Variants in MYO9B observed in about 807,000 individuals in gnomAD.
MYO9B encodes unconventional myosin-IXb.
A neutral mutation model predicts 229.5 loss-of-function variants in MYO9B; 71 were observed. The ratio of observed to expected loss-of-function variants is 0.31; its 90% CI spans 0.26 to 0.38. The LOEUF is 0.38. MYO9B is among the 10% of genes least tolerant of loss of function. The probability of loss-of-function intolerance (pLI) is 1.00; values close to 1 mark genes in which losing one functional copy is unlikely to be tolerated. For missense variants in MYO9B, 2,255 were observed against 2,920.5 expected, an observed-to-expected ratio of 0.77 and a Z score of 5.25; for synonymous variants, 1,185 against 1,235.8, an observed-to-expected ratio of 0.96 and a Z score of 0.86.
intron 1 of MYO9B, among the ~76,000 whole-genome samples, chr19:17,085,151 TCACCGAAGA>T (rs1325089740): frequency 1.3e-5 from 2 of 152,098 alleles, no homozygotes; most frequent in African/African-American, 4.8e-5. Context: ...AGTGGCTGTT[TCACCGAAGA>T]CACTGGTGGC....
chr19:17,093,058 A>G (rs2057654031), intron 1 of MYO9B, among the ~76,000 whole-genome samples: 1 of 152,172 alleles, frequency 6.6e-6, no homozygotes, highest in South Asian at 2.1e-4. Flanking sequence ...TTGGCCAGGC[A>G]CTGTGGCTCA....
chr19:17,112,034 A>G (rs761309394), intron 2 of MYO9B, among the ~76,000 whole-genome samples: 31 of 152,082 alleles, frequency 2.0e-4, no homozygotes, highest in Non-Finnish European at 4.3e-4. Context: ...TTCTCTGCCC[A>G]CCAGTTGTAT....
intron 8 of MYO9B, among the ~76,000 whole-genome samples, chr19:17,160,047 T>G (rs914357564): frequency 1.3e-5 from 2 of 152,144 alleles, no homozygotes; most frequent in Non-Finnish European, 2.9e-5. Context: ...CTCCCTCTGG[T>G]CTTTGCCCCA....
At chr19:17,129,073 A>T (rs2072161230) in intron 2 of MYO9B, among the ~76,000 whole-genome samples, 1 of 152,138 alleles carries the variant, frequency 6.6e-6, no homozygotes, top group South Asian at 2.1e-4. Flanking sequence ...TGGAGGCTTC[A>T]CCCAGAGGTG....
intron 30 of MYO9B, 29 bp downstream of exon 30, chr19:17,203,287 A>G (rs757086266): frequency 1.3e-6 from 2 of 1,493,854 alleles, no homozygotes; most frequent in Non-Finnish European, 1.8e-6. Flanking sequence ...AGGCCCCAAA[A>G]CCCTCCATGT....
intron 2 of MYO9B, among the ~76,000 whole-genome samples, chr19:17,128,221 A>C (rs2072149492): frequency 6.6e-6 from 1 of 150,798 alleles, no homozygotes. Flanking sequence ...TACTGAAAAA[A>C]AAAAATTTTT....
At position 17,169,027 on chromosome 19, in the gene MYO9B, C is replaced by T. The variant is rs190162568; in HGVS notation, c.1793+963C>T. Among the ~76,000 whole-genome samples, 918 of 152,244 alleles carry T rather than the reference C, an allele frequency of 6.0e-3. 6 individuals carry two copies. Among genetic ancestry groups the T allele is most frequent in the African/African-American group, 0.02 (837 of 41,568 alleles). On this transcript the variant is annotated intron_variant, in intron 11 of 39. Transcript: ENST00000682292. The stretch of plus-strand genomic sequence containing the variant: ...GCTCCTCTAAGGAACCGCTACAAGC[C>T]AGGTGGGCTCTTGAGCCCAGGAGAT...
chr19:17,162,465 C>T lies in MYO9B; in HGVS notation c.1535C>T (p.Ser512Leu), dbSNP rs189398505. Residue 512 changes from serine to leucine, a missense_variant and splice_region_variant, in exon 9 of 40, where the codon TCG (serine) becomes TTG (leucine). Ser to Leu is a moderately radical substitution (Grantham distance 145). Around this residue, in one of 7 missense-constraint regions of MYO9B, gnomAD observed 220 missense variants for 404.5 expected, o/e 0.54. Coordinates refer to ENST00000682292, the MANE Select transcript of MYO9B (RefSeq NM_004145.4). The stretch of plus-strand genomic sequence containing the variant: ...AAGAAGGACGTGGAAGAGGCAGTCT[C>T]GGTGAGTGCCCCCATTTGCTTCCTC... ...LNKKDVEEAVSCLSIGVLDIF... is the reference protein window; with the variant it reads ...LNKKDVEEAVLCLSIGVLDIF... The T allele has an allele frequency of 4.6e-5, 72 of 1,558,596 alleles. No individual in the cohort carries two copies. The highest frequency in any genetic ancestry group is 5.5e-5 in the Non-Finnish European group (63 of 1,152,888).
At chr19:17,123,132 C>T (rs1245848868) in intron 2 of MYO9B, among the ~76,000 whole-genome samples, 1 of 152,106 alleles carries the variant, frequency 6.6e-6, no homozygotes, top group Non-Finnish European at 1.5e-5. Flanking sequence ...GGATTTTCAG[C>T]TTGGCTTGCA....
At chr19:17,202,541 C>A (rs909945273) in intron 28 of MYO9B, among the ~76,000 whole-genome samples, 1 of 152,196 alleles carries the variant, frequency 6.6e-6, no homozygotes, top group African/African-American at 2.4e-5. Context: ...CCATGCCACG[C>A]CTATGACATG....
At chr19:17,161,803 A>G (rs534009829) in intron 8 of MYO9B, among the ~76,000 whole-genome samples, 1 of 151,968 alleles carries the variant, frequency 6.6e-6, no homozygotes, top group Admixed American at 6.6e-5. Flanking sequence ...GCGATAGAAC[A>G]AGACTCCACC....
chr19:17,127,857 CT>C (rs1473165700), intron 2 of MYO9B, among the ~76,000 whole-genome samples: 1 of 152,220 alleles, frequency 6.6e-6, no homozygotes, highest in African/African-American at 2.4e-5. Context: ...CCACCTGCCC[CT>C]TCGCAGAACA....
chr19:17,166,673 G>A (rs2072663554), intron 10 of MYO9B, among the ~76,000 whole-genome samples: 1 of 151,666 alleles, frequency 6.6e-6, no homozygotes, highest in African/African-American at 2.4e-5. Flanking sequence ...CCTCCAATAG[G>A]CCCCAGTGTG....
Position 17,163,142 on chromosome 19 carries a change from G to A in MYO9B, c.1671+20G>A. 6.5e-7 allele frequency: 1 copy of A among 1,545,604 alleles called. No individual in the cohort carries two copies. Among genetic ancestry groups the A allele is most frequent in the African/African-American group, 1.4e-5 (1 of 72,830 alleles). On this transcript the variant is annotated intron_variant, in intron 10 of 39. Coordinates refer to ENST00000682292, the MANE Select transcript of MYO9B (RefSeq NM_004145.4). Reference sequence around the variant, plus strand: ...GAGCAGGTGCGGAAAGGGCTTTTTTGTCAATTTTTTGAACTTGGTAAATCA... The same window carrying A: ...GAGCAGGTGCGGAAAGGGCTTTTTTATCAATTTTTTGAACTTGGTAAATCA...
intron 15 of MYO9B, 92 bp from the exon 16 acceptor site, chr19:17,183,737 A>G (rs1226379568): frequency 8.2e-6 from 9 of 1,095,564 alleles, no homozygotes; most frequent in Non-Finnish European, 1.2e-5. Context: ...TGTGTCTCTC[A>G]GTCTAACCCG....
intron 2 of MYO9B, among the ~76,000 whole-genome samples, chr19:17,143,112 A>T (rs1416549535): frequency 1.3e-5 from 2 of 151,972 alleles, no homozygotes; most frequent in East Asian, 3.9e-4. Flanking sequence ...GGTGGTGCAC[A>T]CCTGTAATCC....
intron 2 of MYO9B, among the ~76,000 whole-genome samples, chr19:17,137,664 G>C (rs1384556216): frequency 1.3e-5 from 2 of 152,158 alleles, no homozygotes; most frequent in Non-Finnish European, 2.9e-5. Flanking sequence ...CACAGCAACT[G>C]TCCGGGCTTC....
At chr19:17,178,982 G>A (rs1365587610) in intron 14 of MYO9B, among the ~76,000 whole-genome samples, 12 of 139,880 alleles carry the variant, frequency 8.6e-5, no homozygotes. Flanking sequence ...AGTGAGCCGA[G>A]ATCACACCAC....
chr19:17,151,003 G>T (rs994447645), intron 3 of MYO9B, among the ~76,000 whole-genome samples: 1 of 100,034 alleles, frequency 1.0e-5, no homozygotes, highest in Non-Finnish European at 2.8e-5. Context: ...GGTAAGGCCG[G>T]GCGCAGTGGC....
Sources: gnomAD v4.1 joint callset for allele counts (sites outside exome capture counted in the v4.1 genomes callset) on GRCh38, gnomAD v4.1.1 for gene constraint, gnomAD v4.1.1 regional missense constraint, MANE v1.5 for transcripts, NCBI Gene and HGNC (gene_info 2026-07-23, HGNC 2026-07-21) for gene names.